DRC1: variants seen among roughly 807,000 people sequenced by gnomAD.
The protein encoded by DRC1 is dynein regulatory complex subunit 1.
DRC1 carries 74 observed loss-of-function variants against 98.7 expected under a neutral mutation model. The observed-to-expected ratio is 0.75, with a 90% CI of 0.62 to 0.91. DRC1 has a LOEUF of 0.91. DRC1 is among the 40% of genes least tolerant of loss of function. The pLI is 0.00. For synonymous variants in DRC1, 336 were observed against 334.1 expected, an observed-to-expected ratio of 1.01 and a Z score of -0.06; for missense variants, 875 against 886.0, an observed-to-expected ratio of 0.99 and a Z score of 0.16.
At chr2:26,430,918 T>C (rs1369808441) in intron 6 of DRC1, 46 bp downstream of exon 6, 3 of 1,530,784 alleles carry the variant, frequency 2.0e-6, no homozygotes, top group Non-Finnish European at 2.6e-6. Flanking sequence ...GTCTGGGTGA[T>C]TTTTATTGTG....
At chr2:26,425,272 G>A (rs921822603) in intron 4 of DRC1, among the ~76,000 whole-genome samples, 50 of 152,286 alleles carry the variant, frequency 3.3e-4, no homozygotes, top group South Asian at 4.1e-4. Flanking sequence ...TTAAGGCTGC[G>A]TAGTATTTCA....
rs1048952157 is a variant in DRC1 at position 26,452,767 on chromosome 2, A to G, written c.1690-553A>G. Among the ~76,000 whole-genome samples the G allele has an allele frequency of 7.9e-5, 12 of 152,336 alleles. No homozygotes were observed. In the East Asian group the frequency reaches 2.3e-3, roughly 29 times the overall value. ...AAAAGGTACCTAAGGTTTATTGGTAAGTGTAAAAGCAAACTACAGAACTCT... is the reference window on the plus strand; with the variant it reads ...AAAAGGTACCTAAGGTTTATTGGTAGGTGTAAAAGCAAACTACAGAACTCT... On this transcript the variant is annotated intron_variant, in intron 13 of 16. Transcript: ENST00000288710.
At chr2:26,417,084 A>C (rs907671360) in intron 2 of DRC1, among the ~76,000 whole-genome samples, 1 of 152,130 alleles carries the variant, frequency 6.6e-6, no homozygotes, top group African/African-American at 2.4e-5. Flanking sequence ...GTGCTAAACT[A>C]TGAGGAATCC....
intron 1 of DRC1, among the ~76,000 whole-genome samples, chr2:26,413,443 GTTATACTTTACA>G (rs1678688021): frequency 6.6e-6 from 1 of 152,158 alleles, no homozygotes; most frequent in Non-Finnish European, 1.5e-5. Context: ...TAGACACGTT[GTTATACTTTACA>G]TTCCCACCCA....
At chr2:26,425,757 T>A (rs892461411) in intron 4 of DRC1, among the ~76,000 whole-genome samples, 2 of 152,224 alleles carry the variant, frequency 1.3e-5, no homozygotes, top group African/African-American at 4.8e-5. Flanking sequence ...TGCTTATTTT[T>A]AAATTGGGTT....
chr2:26,455,770 C>T (rs1028246038), intron 16 of DRC1, among the ~76,000 whole-genome samples: 16 of 152,260 alleles, frequency 1.1e-4, no homozygotes, highest in South Asian at 2.1e-4. Flanking sequence ...GCAGATATTC[C>T]CTGGCCCCCA....
At chr2:26,432,887 T>C (rs1663472339) in intron 7 of DRC1, among the ~76,000 whole-genome samples, 1 of 152,232 alleles carries the variant, frequency 6.6e-6, no homozygotes, top group Admixed American at 6.5e-5. Context: ...CGATAAACCC[T>C]GGATTCAAAT....
chr2:26,449,948 C>T, intron 11 of DRC1, 48 bp from the exon 12 acceptor site: 1 of 1,574,838 alleles, frequency 6.3e-7, no homozygotes, highest in Non-Finnish European at 8.7e-7. Flanking sequence ...CTGGGACTCG[C>T]TCCTGAAACC....
intron 4 of DRC1, 112 bp from the exon 5 acceptor site, chr2:26,429,516 A>C: frequency 7.1e-7 from 1 of 1,403,312 alleles, no homozygotes; most frequent in Non-Finnish European, 9.7e-7. Context: ...CTCTTTGTAC[A>C]GTTTCATGTC....
rs552512912 is a variant in DRC1, at chr2:26,423,979, C to A, written c.357-292C>A. On this transcript the variant is annotated intron_variant, in intron 3 of 16. Coordinates refer to ENST00000288710, the MANE Select transcript of DRC1 (RefSeq NM_145038.5). Reference sequence around the variant, plus strand: ...TATCATCTTACTCAGAAGCAGGTGACCAATCGATCTTGGTGTGTGTGCGTG... The same window carrying A: ...TATCATCTTACTCAGAAGCAGGTGAACAATCGATCTTGGTGTGTGTGCGTG... Among the ~76,000 whole-genome samples, 6 of 152,202 alleles carry A rather than the reference C, an allele frequency of 3.9e-5. No homozygotes were observed. The South Asian group carries it at 1.2e-3, about 32-fold the overall frequency.
intron 10 of DRC1, chr2:26,448,331 C>A: frequency 2.0e-6 from 1 of 492,308 alleles, no homozygotes; most frequent in Non-Finnish European, 4.1e-6. Flanking sequence ...TATATAGCCA[C>A]TTGCTAGATC....
intron 8 of DRC1, among the ~76,000 whole-genome samples, chr2:26,441,823 C>A (rs2147999075): frequency 6.6e-6 from 1 of 152,174 alleles, no homozygotes. Flanking sequence ...AGACAGCTTT[C>A]CCTCAGCCTG....
chr2:26,451,014 T>G (rs1401270633), intron 13 of DRC1, among the ~76,000 whole-genome samples: 1 of 152,160 alleles, frequency 6.6e-6, no homozygotes, highest in African/African-American at 2.4e-5. Context: ...TTGCTGGGAA[T>G]GATGGTTTCC....
chr2:26,415,531 T>C (rs1213156505), intron 2 of DRC1, among the ~76,000 whole-genome samples: 2 of 152,228 alleles, frequency 1.3e-5, no homozygotes, highest in East Asian at 3.8e-4. Context: ...GATATTTTAC[T>C]GTGGAAAGGA....
chr2:26,444,878 T>C lies in DRC1; in HGVS notation c.1326T>C (p.Asn442=), dbSNP rs1663812534. The C allele has an allele frequency of 1.2e-6, 2 of 1,614,062 alleles. No individual in the cohort carries two copies. Among genetic ancestry groups the C allele is most frequent in the African/African-American group, 1.3e-5 (1 of 74,934 alleles). ...WAAPDFWFLN[N]VGPISQQPQK... is the part of the protein sequence containing the mutation. ...CACCTGATTTCTGGTTCCTGAACAA[T>C]GTTGGGCCTATTTCTCAGCAGCCCC... The change falls in exon 10 of 17, where the codon AAT becomes AAC. Residue 442 remains asparagine (N), a synonymous_variant. Transcript: ENST00000288710.
In DRC1 at chr2:26,455,240, G is replaced by A. The variant is rs138078589; in HGVS notation, c.2166+7G>A. 129 of 1,610,496 alleles carry A rather than the reference G, an allele frequency of 8.0e-5. No homozygotes were observed. The Middle Eastern group carries it at 1.1e-3, about 14-fold the overall frequency. Reference sequence around the variant, plus strand: ...GCAGTATCTGAACTCCAAGGTGGGCGGCGGGGCCTTCCAAGGAGGGGCAGC... The same window carrying A: ...GCAGTATCTGAACTCCAAGGTGGGCAGCGGGGCCTTCCAAGGAGGGGCAGC... On this transcript the variant is annotated splice_region_variant and intron_variant, in intron 16 of 16. Transcript: ENST00000288710.
At chr2:26,409,008 G>C (rs113368124) in intron 1 of DRC1, among the ~76,000 whole-genome samples, 5,500 of 152,032 alleles carry the variant, frequency 0.036, 308 homozygotes, top group African/African-American at 0.12. Context: ...TCATAGCTTA[G>C]TATAACCTTG....
intron 13 of DRC1, among the ~76,000 whole-genome samples, chr2:26,451,507 A>G (rs1664006605): frequency 6.6e-6 from 1 of 152,218 alleles, no homozygotes; most frequent in African/African-American, 2.4e-5. Flanking sequence ...GTATCCTGAC[A>G]TGCCTGTAAA....
intron 8 of DRC1, among the ~76,000 whole-genome samples, chr2:26,443,208 A>G (rs1396976751): frequency 6.6e-6 from 1 of 152,218 alleles, no homozygotes; most frequent in Non-Finnish European, 1.5e-5. Context: ...TAGAATTTCT[A>G]AACTTAAAAT....
Sources: gnomAD v4.1 joint callset for allele counts (sites outside exome capture counted in the v4.1 genomes callset) on GRCh38, gnomAD v4.1.1 for gene constraint, MANE v1.5 for transcripts, NCBI Gene and HGNC (gene_info 2026-07-23, HGNC 2026-07-21) for gene names.